The following ALDH3A1 variants were observed in gnomAD, a reference collection of about 807,000 sequenced individuals.
ALDH3A1 encodes aldehyde dehydrogenase 3 family member A1.
Under a neutral mutation model 49.9 loss-of-function variants are expected in ALDH3A1, and 46 were observed. The ratio of observed to expected loss-of-function variants is 0.92; its 90% CI spans 0.73 to 1.18. The LOEUF is 1.18. ALDH3A1 is among the 50% of genes most tolerant of loss of function. The pLI is 0.00. For missense variants in ALDH3A1, 592 were observed against 611.8 expected, an observed-to-expected ratio of 0.97 and a Z score of 0.34; for synonymous variants, 269 against 253.3, an observed-to-expected ratio of 1.06 and a Z score of -0.59.
chr17:19,738,263 G>A (rs779433897), intron 10 of ALDH3A1, 28 bp from the exon 11 acceptor site: 26 of 1,613,960 alleles, frequency 1.6e-5, no homozygotes, highest in Middle Eastern at 1.6e-4. Context: ...AGTGGGCAGT[G>A]ATCCCCAGGC....
intron 1 of ALDH3A1, among the ~76,000 whole-genome samples, chr17:19,747,631 C>T (rs919064305): frequency 6.6e-6 from 1 of 152,136 alleles, no homozygotes; most frequent in Non-Finnish European, 1.5e-5. Flanking sequence ...GACACCATCA[C>T]GTCGCAGCTG....
rs2086503289 is a variant in ALDH3A1, at chr17:19,742,074, C to T, written c.619G>A (p.Val207Ile). The T allele has an allele frequency of 6.2e-7, 1 of 1,613,934 alleles. No homozygotes were observed. The highest frequency in any genetic ancestry group is 8.5e-7 in the Non-Finnish European group (1 of 1,180,032). Residue 207 changes from valine (V) to isoleucine (I), a missense_variant, in exon 5 of 11, where the codon GTC becomes ATC. Transcript: ENST00000225740. Reference sequence around the variant, plus strand: ...CTCTTCCCTCCCAGCTCCAGCGTGACAGGGGTCAGGTGCTTGGCAGCAGCC... The same window carrying T: ...CTCTTCCCTCCCAGCTCCAGCGTGATAGGGGTCAGGTGCTTGGCAGCAGCC... The part of the protein sequence containing the change: ...MTAAAKHLTP[V>I]TLELGGKSPC...
At chr17:19,745,481 C>G (rs1567656523) in intron 1 of ALDH3A1, 1 of 237,126 alleles carries the variant, frequency 4.2e-6, no homozygotes, top group Non-Finnish European at 8.2e-6. Flanking sequence ...AGACCAACAC[C>G]CCCAGAGCTC....
intron 8 of ALDH3A1, 63 bp downstream of exon 8, chr17:19,739,445 G>A (rs1349176114): frequency 4.5e-6 from 7 of 1,545,990 alleles, no homozygotes; most frequent in African/African-American, 1.4e-5. Context: ...TGAAGCTGCA[G>A]TTTGAACCCA....
At chr17:19,746,044 G>A (rs2086591030) in intron 1 of ALDH3A1, among the ~76,000 whole-genome samples, 1 of 152,170 alleles carries the variant, frequency 6.6e-6, no homozygotes, top group Non-Finnish European at 1.5e-5. Flanking sequence ...TGTTTGTAGG[G>A]GCTCTCTCTG....
chr17:19,744,138 CT>C (rs2086555207), intron 2 of ALDH3A1: 2 of 984,940 alleles, frequency 2.0e-6, no homozygotes, highest in Non-Finnish European at 2.4e-6. Context: ...TGGCTCATGC[CT>C]GTAATCCCAG....
chr17:19,746,657 G>T (rs1003601340), intron 1 of ALDH3A1, among the ~76,000 whole-genome samples: 1 of 146,620 alleles, frequency 6.8e-6, no homozygotes, highest in Non-Finnish European at 1.5e-5. Flanking sequence ...GTGTGTGCAT[G>T]TGTGTGTGTG....
chr17:19,744,082 A>C (rs2086554136), intron 2 of ALDH3A1: 1 of 985,200 alleles, frequency 1.0e-6, no homozygotes, highest in Non-Finnish European at 1.2e-6. Context: ...TAAGATGAGA[A>C]GTCCTGAGCC....
intron 2 of ALDH3A1, 70 bp downstream of exon 2, chr17:19,744,898 C>A: frequency 1.2e-6 from 1 of 802,440 alleles, no homozygotes; most frequent in Non-Finnish European, 1.7e-6. Flanking sequence ...CGCACTCTCC[C>A]CAGCCCCTCC....
chr17:19,738,374 A>C lies in ALDH3A1; in HGVS notation c.1296T>G (p.Pro432=). ...FSHRRSCLVR[P]LMNDEGLKVR... ...CCTTCAGGCCTTCATCATTCATCAG[A>C]GGCCTCACCAGGCAAGAGCGGCGGT... Residue 432 remains proline, a synonymous_variant, in exon 10 of 11, where the codon CCT becomes CCG. Transcript: ENST00000225740. 6.2e-7 allele frequency: 1 copy of C among 1,613,860 alleles called. No homozygotes were observed. Among genetic ancestry groups the C allele is most frequent in the Non-Finnish European group, 8.5e-7 (1 of 1,179,850 alleles).
rs747613567 is a variant in ALDH3A1 at position 19,742,209 on chromosome 17, G to C, written c.484C>G (p.Leu162Val). Residue 162 changes from leucine to valine, a missense_variant, in exon 5 of 11, where the codon CTG becomes GTG. Coordinates refer to ENST00000225740, the MANE Select transcript of ALDH3A1 (RefSeq NM_000691.5). Reference protein sequence around the residue: ...TIIPQYLDKDLYPVINGGVPE... With the variant: ...TIIPQYLDKDVYPVINGGVPE... Reference sequence around the variant, plus strand: ...ACACCCCCATTGATTACTGGGTACAGATCCTTCCATGCAAGGAGAGAGGGG... The same window carrying C: ...ACACCCCCATTGATTACTGGGTACACATCCTTCCATGCAAGGAGAGAGGGG... 8.7e-6 allele frequency: 14 copies of C among 1,613,872 alleles called. No individual in the cohort carries two copies. In the East Asian group the frequency reaches 1.1e-4, roughly 13 times the overall value.
At position 19,745,092 on chromosome 17, in the gene ALDH3A1, G is replaced by GCGCGGGCGCGCTT. The variant is rs2086576503; in HGVS notation, c.25_37dup (p.Ala13GlufsTer48). The GCGCGGGCGCGCTT allele has an allele frequency of 1.3e-6, 2 of 1,590,318 alleles. No homozygotes were observed. The highest frequency in any genetic ancestry group is 1.3e-5 in the African/African-American group (1 of 74,192). ...ACGGGTCCTGCCCGAGCTGAAGGCGGCGCGGGCGCGCTTCACGGCCTCGCT... is the reference window on the plus strand; with the variant it reads ...ACGGGTCCTGCCCGAGCTGAAGGCGGCGCGGGCGCGCTTCGCGGGCGCGCTTCACGGCCTCGCT... On this transcript the variant is annotated frameshift_variant, in exon 2 of 11. Coordinates refer to ENST00000225740, the MANE Select transcript of ALDH3A1 (RefSeq NM_000691.5). LOFTEE classifies it high-confidence loss of function.
Position 19,745,112 on chromosome 17 carries a change from C to T in ALDH3A1, c.18G>A (p.Glu6=), listed in dbSNP as rs2086577241. 2.5e-6 allele frequency: 4 copies of T among 1,582,266 alleles called. No homozygotes were observed. The highest frequency in any genetic ancestry group is 2.7e-5 in the African/African-American group (2 of 73,468). ...AGGCGGCGCGGGCGCGCTTCACGGC[C>T]TCGCTGATCTTGCTCATGGCGCCTG... The part of the protein sequence containing the change: MSKIS[E]AVKRARAAFS... The change falls in exon 2 of 11, where the codon GAG becomes GAA. Residue 6 remains glutamate, a synonymous_variant. Coordinates refer to ENST00000225740, the MANE Select transcript of ALDH3A1 (RefSeq NM_000691.5).
chr17:19,743,180 C>T lies in ALDH3A1; in HGVS notation c.394+52G>A. 6.2e-7 allele frequency: 1 copy of T among 1,605,224 alleles called. No homozygotes were observed. The highest frequency in any genetic ancestry group is 1.1e-5 in the South Asian group (1 of 90,236). ...GGCCTGAGCCCATCCTGGCTTGGCT[C>T]CACGCTGGGGGACGGTGCTCCCCCA... is the stretch of plus-strand genomic sequence containing the variant. On this transcript the variant is annotated intron_variant, in intron 3 of 10. Transcript: ENST00000225740. This position sits in a 1 kb window ranked among gnomAD's most constrained non-coding sequence, Gnocchi z 4.4.
intron 2 of ALDH3A1, chr17:19,744,537 G>T (rs1324783594): frequency 1.1e-5 from 11 of 985,340 alleles, no homozygotes; most frequent in Non-Finnish European, 1.3e-5. Flanking sequence ...AGAGGTGTCT[G>T]GTCTTGCTCA....
chr17:19,744,806 G>C, intron 2 of ALDH3A1, 162 bp downstream of exon 2: 1 of 1,359,790 alleles, frequency 7.4e-7, no homozygotes, highest in Non-Finnish European at 9.4e-7. Context: ...CGCGCGGGGC[G>C]CGGCGGAGGG....
intron 1 of ALDH3A1, among the ~76,000 whole-genome samples, chr17:19,746,403 C>G (rs1032921077): frequency 6.6e-6 from 1 of 152,044 alleles, no homozygotes; most frequent in African/African-American, 2.4e-5. Context: ...TCACAGAGTT[C>G]TCCTATTAGA....
At chr17:19,744,895 T>TACCC in intron 2 of ALDH3A1, 73 bp downstream of exon 2, 3 of 924,176 alleles carry the variant, frequency 3.2e-6, no homozygotes, top group Non-Finnish European at 4.2e-6. Flanking sequence ...GGTCGCACTC[T>TACCC]CCCCAGCCCC....
At chr17:19,744,803 G>A (rs2086566903) in intron 2 of ALDH3A1, 165 bp downstream of exon 2, 3 of 1,357,144 alleles carry the variant, frequency 2.2e-6, no homozygotes, top group Middle Eastern at 2.8e-4. Flanking sequence ...GGGCGCGCGG[G>A]GCGCGGCGGA....
Sources: gnomAD v4.1 joint callset for allele counts (sites outside exome capture counted in the v4.1 genomes callset) on GRCh38, gnomAD v4.1.1 for gene constraint, Gnocchi (gnomAD v3.1) non-coding constraint, MANE v1.5 for transcripts, NCBI Gene and HGNC (gene_info 2026-07-23, HGNC 2026-07-21) for gene names.